Variants in JMJD1C observed in about 807,000 individuals in gnomAD.
JMJD1C encodes the protein jumonji domain-containing protein 1C.
JMJD1C carries 31 observed loss-of-function variants against 245.3 expected under a neutral mutation model. The observed-to-expected ratio is 0.13, with a 90% CI of 0.09 to 0.17. JMJD1C has a LOEUF of 0.17. Among genes scored for constraint, JMJD1C ranks in the 10% least tolerant of loss-of-function variants. JMJD1C has a pLI of 1.00. For synonymous variants in JMJD1C, 1,057 were observed against 1,017.4 expected (o/e 1.04, Z -0.74); for missense variants, 2,691 against 3,000.2 (o/e 0.90, Z 2.41).
At chr10:63,414,171 A>G (rs1949667413) in intron 1 of JMJD1C, among the ~76,000 whole-genome samples, 1 of 151,764 alleles carries the variant, frequency 6.6e-6, no homozygotes, top group Non-Finnish European at 1.5e-5. Context: ...TATTTTTAGT[A>G]CAGACAGGGT....
chr10:63,430,775 A>G (rs968272713), intron 1 of JMJD1C, among the ~76,000 whole-genome samples: 7 of 152,320 alleles, frequency 4.6e-5, no homozygotes, highest in African/African-American at 1.7e-4. Flanking sequence ...TATTTTAGAG[A>G]CAAGAGCTCA....
At chr10:63,331,754 A>T (rs1447103137) in intron 2 of JMJD1C, among the ~76,000 whole-genome samples, 1 of 152,116 alleles carries the variant, frequency 6.6e-6, no homozygotes, top group African/African-American at 2.4e-5. Flanking sequence ...CTGGGACCAC[A>T]CCACAGGCAT....
rs764020657 is a variant in JMJD1C at position 63,215,442 on chromosome 10, C to T, written c.836G>A (p.Arg279His). The change falls in exon 7 of 26, where the codon CGT becomes CAT. Residue 279 changes from arginine to histidine, a missense_variant. Arg to His is a conservative substitution (Grantham distance 29). This residue lies in a region of JMJD1C where 1,562 missense variants were observed against 1,490.7 expected (regional missense o/e 1.05). Transcript: ENST00000399262. ...TGGTCTGGGACTATTTGCTTGGGCA[C>T]GTGTATAATGGCTCTAAAAATAACC... ...NVNAVHSHYT[R>H]AQANSPRPAM... is the part of the protein sequence containing the mutation. 8.1e-6 allele frequency: 13 copies of T among 1,613,910 alleles called. No individual in the cohort carries two copies. The highest frequency in any genetic ancestry group is 2.2e-5 in the East Asian group (1 of 44,890).
intron 2 of JMJD1C, among the ~76,000 whole-genome samples, chr10:63,294,247 C>T (rs1859110729): frequency 1.3e-5 from 2 of 151,594 alleles, no homozygotes; most frequent in Non-Finnish European, 2.9e-5. Flanking sequence ...TCTAATTTAG[C>T]TCAAGATGTT....
chr10:63,465,930 A>T lies in JMJD1C; in HGVS notation c.-268T>A. The T allele has an allele frequency of 1.7e-6, 1 of 581,782 alleles. No individual in the cohort carries two copies. The highest frequency in any genetic ancestry group is 1.8e-5 in the South Asian group (1 of 55,910). The allele number at this position is 581,782 out of a possible 1,614,324, so 36.0% of individuals were successfully genotyped here. A position where few individuals can be genotyped will look rare whatever the true frequency, so the allele number is the denominator to read the frequency against. ...GAAACAAAACCCAACGCGGCCGTCG[A>T]AGACCCCGAGGCAGCCCAGCCGCCG... On this transcript the variant is annotated 5_prime_UTR_variant, in exon 1 of 26. Coordinates refer to ENST00000399262, the MANE Select transcript of JMJD1C (RefSeq NM_032776.3).
At chr10:63,200,947 C>G (rs1328925175) in intron 10 of JMJD1C, among the ~76,000 whole-genome samples, 1 of 152,150 alleles carries the variant, frequency 6.6e-6, no homozygotes, top group African/African-American at 2.4e-5. Context: ...TGACTGAACT[C>G]TTTAAATATC....
At chr10:63,303,972 G>A (rs1238717744) in intron 2 of JMJD1C, among the ~76,000 whole-genome samples, 1 of 152,104 alleles carries the variant, frequency 6.6e-6, no homozygotes, top group Non-Finnish European at 1.5e-5. Context: ...ATATCCCTGA[G>A]AAGCCAGTGT....
At chr10:63,243,650 T>C (rs1165700361) in intron 3 of JMJD1C, among the ~76,000 whole-genome samples, 1 of 151,158 alleles carries the variant, frequency 6.6e-6, no homozygotes. Flanking sequence ...CCAGCCAAAT[T>C]AAATTGATAA....
intron 1 of JMJD1C, among the ~76,000 whole-genome samples, chr10:63,483,351 A>G (rs1953886427): frequency 1.3e-5 from 2 of 152,238 alleles, no homozygotes; most frequent in African/African-American, 2.4e-5. Flanking sequence ...ATAAGTCTAG[A>G]TCAGAAAGTC....
chr10:63,208,891 G>A, intron 9 of JMJD1C, 90 bp from the exon 10 acceptor site: 1 of 1,151,242 alleles, frequency 8.7e-7, no homozygotes, highest in South Asian at 1.6e-5. Context: ...TATTATGAAA[G>A]TAAAAGACAT....
intron 13 of JMJD1C, among the ~76,000 whole-genome samples, chr10:63,196,659 T>G (rs186028272): frequency 2.2e-4 from 34 of 152,342 alleles, no homozygotes; most frequent in Admixed American, 1.2e-3. Flanking sequence ...CAATCTATAC[T>G]AAGTACTTCT....
chr10:63,383,518 G>GT (rs1295715094), intron 1 of JMJD1C, among the ~76,000 whole-genome samples: 1 of 152,040 alleles, frequency 6.6e-6, no homozygotes, highest in Non-Finnish European at 1.5e-5. Context: ...AGGCAACACA[G>GT]TAAGACCTTG....
chr10:63,266,758 GTAGGAT>G (rs1177145379), intron 2 of JMJD1C, among the ~76,000 whole-genome samples: 1 of 152,158 alleles, frequency 6.6e-6, no homozygotes, highest in Non-Finnish European at 1.5e-5. Flanking sequence ...ATTCAATTAA[GTAGGAT>G]TTGAAAAAGA....
chr10:63,348,321 G>A (rs1377813861), intron 2 of JMJD1C, among the ~76,000 whole-genome samples: 1 of 151,934 alleles, frequency 6.6e-6, no homozygotes, highest in Admixed American at 6.6e-5. Flanking sequence ...AATTGATAAA[G>A]TCATCTCTCC....
intron 2 of JMJD1C, among the ~76,000 whole-genome samples, chr10:63,340,855 G>C (rs960471039): frequency 2.0e-5 from 3 of 152,024 alleles, no homozygotes; most frequent in African/African-American, 7.2e-5. Flanking sequence ...TGAGGCAGGA[G>C]AATCGCTTGA....
intron 2 of JMJD1C, among the ~76,000 whole-genome samples, chr10:63,339,490 A>G (rs1344533432): frequency 3.3e-5 from 5 of 152,244 alleles, no homozygotes; most frequent in Non-Finnish European, 7.3e-5. Context: ...TACATTAAGT[A>G]TATAGGTTGA....
At chr10:63,417,069 G>A (rs1398969997) in intron 1 of JMJD1C, among the ~76,000 whole-genome samples, 1 of 152,128 alleles carries the variant, frequency 6.6e-6, no homozygotes, top group African/African-American at 2.4e-5. Context: ...AACTAAACTT[G>A]TCACAGGATC....
At position 63,476,188 on chromosome 10, in the gene JMJD1C, C is replaced by T. The variant is rs148062831; in HGVS notation, n.113+45550G>A. 5.0e-3 allele frequency among the ~76,000 whole-genome samples: 751 copies of T among 149,144 alleles called. 2 individuals carry two copies. The highest frequency in any genetic ancestry group is 8.0e-3 in the Non-Finnish European group (542 of 67,342). On this transcript the variant is annotated intron_variant and non_coding_transcript_variant, in intron 1 of 3. Transcript: ENST00000633035. ...TTGCACCACCGCACTCCAGCCTGGG[C>T]GACAGAATGAGATTTTGTCTAAAAA...
intron 3 of JMJD1C, among the ~76,000 whole-genome samples, chr10:63,241,415 C>T (rs775555671): frequency 6.6e-6 from 1 of 152,152 alleles, no homozygotes; most frequent in Non-Finnish European, 1.5e-5. Flanking sequence ...CATGGAAGCA[C>T]ATTTTACTAT....
Sources: allele counts gnomAD v4.1 joint callset (sites outside exome capture counted in the v4.1 genomes callset), GRCh38; gene constraint gnomAD v4.1.1; regional missense constraint gnomAD v4.1.1; transcripts MANE v1.5; gene names NCBI Gene and HGNC (gene_info 2026-07-23, HGNC 2026-07-21).